Variants in SMARCAD1 observed in about 807,000 individuals in gnomAD.
SMARCAD1 encodes SWI/SNF-related matrix-associated actin-dependent regulator of chromatin subfamily A containing DEAD/H box 1.
In SMARCAD1, 25 loss-of-function variants were observed where a neutral mutation model predicts 127.1. That is an observed-to-expected ratio of 0.20 (90% CI 0.14 to 0.27). The LOEUF is 0.27. SMARCAD1 is among the 10% of genes least tolerant of loss of function. The pLI is 1.00. For synonymous variants in SMARCAD1, 400 were observed against 396.9 expected (o/e 1.01, Z -0.09); for missense variants, 807 against 1,206.0 (o/e 0.67, Z 4.90).
intron 10 of SMARCAD1, among the ~76,000 whole-genome samples, chr4:94,270,121 A>T (rs1466339959): frequency 6.6e-6 from 1 of 151,666 alleles, no homozygotes; most frequent in Non-Finnish European, 1.5e-5. Context: ...CTAAAACATC[A>T]GTGAACATCA....
rs932332159 is a variant in SMARCAD1 at position 94,208,035 on chromosome 4, G to A, written c.-85G>A. On this transcript the variant is annotated 5_prime_UTR_variant, in exon 1 of 24. Transcript: ENST00000354268. The stretch of plus-strand genomic sequence containing the variant: ...TGTGGGCGGGCGCGAGGCCCGCTAG[G>A]GGGTTATACTGGGGAACGTGCCTGC... 1 of 448,324 alleles carries A rather than the reference G, an allele frequency of 2.2e-6. No homozygotes were observed. The highest frequency in any genetic ancestry group is 4.4e-6 in the Non-Finnish European group (1 of 226,482). 27.8% of individuals were successfully genotyped at this position (448,324 alleles called of 1,614,324 possible). A position where few individuals can be genotyped will look rare whatever the true frequency, so the allele number is the denominator to read the frequency against.
At position 94,278,645 on chromosome 4, in the gene SMARCAD1, T is replaced by C; in HGVS notation, c.2208T>C (p.Asp736=). 2.5e-6 allele frequency: 4 copies of C among 1,614,058 alleles called. No individual in the cohort carries two copies. The highest frequency in any genetic ancestry group is 3.4e-6 in the Non-Finnish European group (4 of 1,179,986). Residue 736 remains aspartate, a synonymous_variant, in exon 18 of 24, where the codon GAT becomes GAC. Coordinates refer to ENST00000354268, the MANE Select transcript of SMARCAD1 (RefSeq NM_020159.5). ...TCAAGCAGTTACCCCCCAAGAAAGATCGAATTGAGTTGTGTGCAATGTCGG... is the reference window on the plus strand; with the variant it reads ...TCAAGCAGTTACCCCCCAAGAAAGACCGAATTGAGTTGTGTGCAATGTCGG... ...EVLKQLPPKK[D]RIELCAMSEK...
intron 12 of SMARCAD1, among the ~76,000 whole-genome samples, chr4:94,274,381 G>A (rs1752966441): frequency 1.3e-5 from 2 of 151,916 alleles, no homozygotes; most frequent in East Asian, 1.9e-4. Context: ...GCTGGAGTGT[G>A]GTGGCTCAAT....
Position 94,242,337 on chromosome 4 carries a change from G to A in SMARCAD1, c.705+1331G>A, listed in dbSNP as rs1215398217. On this transcript the variant is annotated intron_variant, in intron 6 of 23. Coordinates refer to ENST00000354268, the MANE Select transcript of SMARCAD1 (RefSeq NM_020159.5). Reference sequence around the variant, plus strand: ...TGAGATTACAGGCGTGAGCCACCACGCCCGGCTGTATTTTCAGAATAACTT... The same window carrying A: ...TGAGATTACAGGCGTGAGCCACCACACCCGGCTGTATTTTCAGAATAACTT... 5.3e-5 allele frequency among the ~76,000 whole-genome samples: 8 copies of A among 151,818 alleles called. No individual in the cohort carries two copies. The South Asian group carries it at 1.0e-3, about 20-fold the overall frequency.
chr4:94,280,471 T>C, intron 19 of SMARCAD1, 121 bp from the exon 20 acceptor site: 1 of 864,420 alleles, frequency 1.2e-6, no homozygotes, highest in Non-Finnish European at 1.8e-6. Context: ...ATAAGTCTGT[T>C]ACACTAAAAG....
intron 5 of SMARCAD1, among the ~76,000 whole-genome samples, chr4:94,238,643 ACCT>A (rs1747091738): frequency 6.6e-6 from 1 of 151,842 alleles, no homozygotes; most frequent in Non-Finnish European, 1.5e-5. Context: ...GAAAGAAAAA[ACCT>A]CCTGAAAAAT....
intron 3 of SMARCAD1, among the ~76,000 whole-genome samples, chr4:94,228,168 G>T (rs2632412): frequency 0.7 from 106,627 of 152,022 alleles, 38,815 homozygotes; most frequent in African/African-American, 0.91. Flanking sequence ...ATTCTGAAAT[G>T]TACTCCAAGA....
intron 2 of SMARCAD1, among the ~76,000 whole-genome samples, chr4:94,225,355 G>A (rs567448241): frequency 6.6e-6 from 1 of 151,888 alleles, no homozygotes; most frequent in Non-Finnish European, 1.5e-5. Context: ...TTTGCATCCC[G>A]GTGTGTCTCC....
intron 2 of SMARCAD1, among the ~76,000 whole-genome samples, chr4:94,211,922 A>C (rs1449676969): frequency 8.1e-6 from 1 of 124,066 alleles, no homozygotes; most frequent in East Asian, 2.2e-4. Context: ...ATTTTTCTTC[A>C]TAGTATTTAT....
Position 94,274,106 on chromosome 4 carries a change from A to G in SMARCAD1, c.1672+390A>G, listed in dbSNP as rs185659210. On this transcript the variant is annotated intron_variant, in intron 12 of 23. Coordinates refer to ENST00000354268, the MANE Select transcript of SMARCAD1 (RefSeq NM_020159.5). ...TCTCAATTCGTTGGATGTAGAAGTT[A>G]GAATAAGAGAATATTTGTACATGTG... Among the ~76,000 whole-genome samples the G allele has an allele frequency of 3.0e-4, 46 of 152,342 alleles. 1 individual carries two copies. The East Asian group carries it at 8.3e-3, about 27-fold the overall frequency.
At chr4:94,234,981 G>C (rs1353488037) in intron 4 of SMARCAD1, among the ~76,000 whole-genome samples, 1 of 152,116 alleles carries the variant, frequency 6.6e-6, no homozygotes, top group Non-Finnish European at 1.5e-5. Context: ...TGAGCTGTCA[G>C]TGATAGCCCA....
At chr4:94,279,172 T>G (rs1425771063) in intron 19 of SMARCAD1, 122 bp downstream of exon 19, 1 of 1,297,008 alleles carries the variant, frequency 7.7e-7, no homozygotes, top group East Asian at 2.5e-5. Context: ...AAAACTTTTT[T>G]TTTTCAGACC....
At chr4:94,252,561 ATCTT>A (rs1560540723) in intron 8 of SMARCAD1, 51 bp from the exon 9 acceptor site, 11 of 1,221,000 alleles carry the variant, frequency 9.0e-6, no homozygotes, top group East Asian at 7.7e-5. Context: ...TTTGAAGTCT[ATCTT>A]TATATTTATG....
intron 4 of SMARCAD1, among the ~76,000 whole-genome samples, chr4:94,234,869 C>A (rs1002222806): frequency 1.3e-5 from 2 of 152,156 alleles, no homozygotes; most frequent in African/African-American, 2.4e-5. Flanking sequence ...TCTGTATGGA[C>A]TAGGCAGGTA....
At chr4:94,260,449 T>C (rs1262104319) in intron 9 of SMARCAD1, among the ~76,000 whole-genome samples, 1 of 152,120 alleles carries the variant, frequency 6.6e-6, no homozygotes, top group African/African-American at 2.4e-5. Context: ...GTTCAAGAAA[T>C]TCTTGTGCCT....
upstream of SMARCAD1, chr4:94,207,634 C>T (rs1247317771): frequency 1.3e-5 from 2 of 153,342 alleles, no homozygotes; most frequent in Non-Finnish European, 2.9e-5. Context: ...AAGGTTTCTC[C>T]GTGGTGTTTT....
chr4:94,251,724 A>C (rs1409341022), intron 8 of SMARCAD1, among the ~76,000 whole-genome samples: 1 of 152,222 alleles, frequency 6.6e-6, no homozygotes, highest in Non-Finnish European at 1.5e-5. Flanking sequence ...AGATTGGTGC[A>C]TGTTTTCTCA....
At chr4:94,252,536 T>C (rs928333989) in intron 8 of SMARCAD1, 80 bp from the exon 9 acceptor site, 6 of 987,952 alleles carry the variant, frequency 6.1e-6, no homozygotes, top group Admixed American at 6.1e-5. Flanking sequence ...AATAGGTAAA[T>C]GTTTTAAGTT....
intron 2 of SMARCAD1, among the ~76,000 whole-genome samples, chr4:94,224,718 A>G (rs1447525118): frequency 6.6e-6 from 1 of 152,218 alleles, no homozygotes; most frequent in African/African-American, 2.4e-5. Flanking sequence ...GTTTTAGGGT[A>G]TAACAGTTTA....
Sources: gnomAD v4.1 joint callset for allele counts (sites outside exome capture counted in the v4.1 genomes callset) on GRCh38, gnomAD v4.1.1 for gene constraint, MANE v1.5 for transcripts, NCBI Gene and HGNC (gene_info 2026-07-23, HGNC 2026-07-21) for gene names.